The following SOS1 variants were observed in gnomAD, a reference collection of about 807,000 sequenced individuals.
SOS1 encodes the protein SOS Ras/Rac guanine nucleotide exchange factor 1, also known as son of sevenless homolog 1.
A neutral mutation model predicts 157.6 loss-of-function variants in SOS1; 25 were observed. That is an observed-to-expected ratio of 0.16 (90% confidence interval 0.12 to 0.22). SOS1 has a LOEUF of 0.22. SOS1 is among the 10% of genes least tolerant of loss of function. The probability of loss-of-function intolerance (pLI) is 1.00; values close to 1 mark genes in which losing one functional copy is unlikely to be tolerated. For synonymous variants in SOS1, 528 were observed against 534.0 expected (o/e 0.99, Z 0.16); for missense variants, 1,237 against 1,599.1 (o/e 0.77, Z 3.86).
chr2:39,075,766 CAAG>C (rs1671950172), intron 1 of SOS1, among the ~76,000 whole-genome samples: 1 of 151,878 alleles, frequency 6.6e-6, no homozygotes, highest in Non-Finnish European at 1.5e-5. Context: ...GTATTATACA[CAAG>C]AAGGAGGGGC....
chr2:39,098,086 T>C (rs1672838392), intron 1 of SOS1: 1 of 152,604 alleles, frequency 6.6e-6, no homozygotes, highest in Admixed American at 6.5e-5. Context: ...TTTTACATGA[T>C]AGAAGATTTC....
chr2:39,011,654 T>C (rs761012608), intron 14 of SOS1, among the ~76,000 whole-genome samples: 2 of 152,182 alleles, frequency 1.3e-5, no homozygotes, highest in African/African-American at 4.8e-5. Context: ...ATCAATGTAG[T>C]ATGATTAAAA....
chr2:39,064,742 ATTTTTTT>A (rs4015841), intron 2 of SOS1, among the ~76,000 whole-genome samples: 24 of 74,828 alleles, frequency 3.2e-4, no homozygotes, highest in East Asian at 1.8e-3. Context: ...TTTAAAATAC[ATTTTTTT>A]TTTTTTTTTT....
At chr2:39,054,021 A>G (rs1217689257) in intron 5 of SOS1, among the ~76,000 whole-genome samples, 7 of 151,270 alleles carry the variant, frequency 4.6e-5, no homozygotes, top group South Asian at 2.1e-4. Flanking sequence ...TCCGCCTCCC[A>G]GGTTCACGCC....
In SOS1 at chr2:39,067,544, G is replaced by A. The variant is rs1671631340; in HGVS notation, c.213+84C>T. On this transcript the variant is annotated intron_variant, in intron 2 of 22. Coordinates refer to ENST00000402219, the MANE Select transcript of SOS1 (RefSeq NM_005633.4). ...TTCTTATATACCATATATATAGAGA[G>A]AGCAAATTCTTTCCCTGTTCACTGA... The A allele has an allele frequency of 4.9e-6, 6 of 1,227,964 alleles. No homozygotes were observed. In the South Asian group the frequency reaches 6.0e-5, roughly 12 times the overall value. 76.1% of individuals were successfully genotyped at this position (1,227,964 alleles called of 1,614,324 possible).
intron 15 of SOS1, chr2:39,007,639 G>C (rs1370850514): frequency 1.2e-5 from 2 of 166,786 alleles, no homozygotes; most frequent in Non-Finnish European, 2.6e-5. Flanking sequence ...ACATTTCTAG[G>C]AACAGCTCTG....
At position 39,024,129 on chromosome 2, in the gene SOS1, T is replaced by C. The variant is rs1348149549; in HGVS notation, c.1083A>G (p.Glu361=). The change falls in exon 9 of 23, where the codon GAA becomes GAG. Residue 361 remains glutamate (E), a synonymous_variant. Coordinates refer to ENST00000402219, the MANE Select transcript of SOS1 (RefSeq NM_005633.4). ...LHYFELLKQL[E]EKSEDQEDKE... Reference sequence around the variant, plus strand: ...TGTCTTCTTGATCTTCACTTTTTTCTTCTAACTGCTGTAAAGCCAAAATGA... The same window carrying C: ...TGTCTTCTTGATCTTCACTTTTTTCCTCTAACTGCTGTAAAGCCAAAATGA... 6.2e-7 allele frequency: 1 copy of C among 1,611,354 alleles called. No individual in the cohort carries two copies. The highest frequency in any genetic ancestry group is 8.5e-7 in the Non-Finnish European group (1 of 1,177,842).
chr2:39,083,928 G>A (rs1318868194), intron 1 of SOS1, among the ~76,000 whole-genome samples: 2 of 152,158 alleles, frequency 1.3e-5, no homozygotes, highest in South Asian at 2.1e-4. Context: ...TGTATTTTGA[G>A]ATAAAGTCTT....
chr2:39,118,671 C>G (rs1395748854), intron 1 of SOS1, among the ~76,000 whole-genome samples: 1 of 152,174 alleles, frequency 6.6e-6, no homozygotes, highest in Non-Finnish European at 1.5e-5. Context: ...TAGTGCCTCG[C>G]TTGAATACAG....
intron 1 of SOS1, among the ~76,000 whole-genome samples, chr2:39,091,140 A>T (rs1407579376): frequency 6.6e-6 from 1 of 152,166 alleles, no homozygotes; most frequent in Non-Finnish European, 1.5e-5. Context: ...AAGTGCTGGG[A>T]TTACAGGTAT....
At chr2:39,103,056 A>C (rs1673032120) in intron 1 of SOS1, among the ~76,000 whole-genome samples, 1 of 152,228 alleles carries the variant, frequency 6.6e-6, no homozygotes, top group East Asian at 1.9e-4. Context: ...TCCATTTAAC[A>C]TTGAAAAGAA....
chr2:39,110,418 T>C (rs1431193689), intron 1 of SOS1, among the ~76,000 whole-genome samples: 1 of 139,930 alleles, frequency 7.1e-6, no homozygotes, highest in African/African-American at 3.2e-5. Context: ...TGACTGCATA[T>C]ATACATACAC....
chr2:39,092,444 G>A (rs993731873), intron 1 of SOS1, among the ~76,000 whole-genome samples: 1 of 152,158 alleles, frequency 6.6e-6, no homozygotes, highest in Non-Finnish European at 1.5e-5. Context: ...CAGAGAGGCT[G>A]TCCTCGACCA....
At chr2:39,072,557 G>A (rs1558500446) in intron 1 of SOS1, among the ~76,000 whole-genome samples, 3 of 152,036 alleles carry the variant, frequency 2.0e-5, no homozygotes, top group Admixed American at 6.6e-5. Context: ...AAAATGCAAT[G>A]GTTAAAGACA....
chr2:39,010,836 G>C (rs980078704), intron 14 of SOS1, 133 bp from the exon 15 acceptor site: 28 of 675,436 alleles, frequency 4.1e-5, no homozygotes, highest in Non-Finnish European at 6.9e-5. Flanking sequence ...AAAGGTCTGT[G>C]AAAACAAGGT....
In SOS1 at chr2:39,024,024, T is replaced by G. The variant is rs773497928; in HGVS notation, c.1188A>C (p.Ala396=). 1.9e-6 allele frequency: 3 copies of G among 1,601,014 alleles called. No individual in the cohort carries two copies. Among genetic ancestry groups the G allele is most frequent in the Non-Finnish European group, 2.6e-6 (3 of 1,168,412 alleles). ...AAAATATTCACCTCAGTCTTCGTTTTGCAAGACTTTTAGAACATATTTTTT... is the reference window on the plus strand; with the variant it reads ...AAAATATTCACCTCAGTCTTCGTTTGGCAAGACTTTTAGAACATATTTTTT... ...GMEKICSKSL[A]KRRLSESACR... is the part of the protein sequence containing the mutation. Residue 396 remains alanine, a synonymous_variant, in exon 9 of 23, where the codon GCA becomes GCC. Coordinates refer to ENST00000402219, the MANE Select transcript of SOS1 (RefSeq NM_005633.4).
intron 17 of SOS1, among the ~76,000 whole-genome samples, chr2:38,999,005 A>T (rs1329924056): frequency 1.3e-5 from 2 of 152,210 alleles, no homozygotes; most frequent in East Asian, 3.8e-4. Context: ...ACATACTAGG[A>T]GGTGCTATAT....
chr2:39,085,063 T>C (rs1308477656), intron 1 of SOS1, among the ~76,000 whole-genome samples: 2 of 152,080 alleles, frequency 1.3e-5, no homozygotes, highest in Admixed American at 6.5e-5. Context: ...ATTTATTTTT[T>C]TGAGACAGGG....
chr2:39,106,460 G>A (rs1455536853), intron 1 of SOS1, among the ~76,000 whole-genome samples: 200 of 149,264 alleles, frequency 1.3e-3, no homozygotes, highest in African/African-American at 4.8e-3. Context: ...GCGTAGTGGC[G>A]GGCGCCTGTC....
Sources: gnomAD v4.1 joint callset for allele counts (sites outside exome capture counted in the v4.1 genomes callset) on GRCh38, gnomAD v4.1.1 for gene constraint, MANE v1.5 for transcripts, NCBI Gene and HGNC (gene_info 2026-07-23, HGNC 2026-07-21) for gene names.